Variants in EXOC6B observed in about 807,000 individuals in gnomAD.
EXOC6B encodes the protein SEC15 homolog B.
A neutral mutation model predicts 113.5 loss-of-function variants in EXOC6B; 54 were observed. That is an observed-to-expected ratio of 0.48 (90% CI 0.38 to 0.60). The LOEUF (loss-of-function observed/expected upper bound fraction) is 0.60. Ranked by LOEUF, EXOC6B falls within the 20% of genes least tolerant of loss-of-function variation. The pLI, the probability that EXOC6B is intolerant of heterozygous loss-of-function variation, is 0.00. For synonymous variants in EXOC6B, 357 were observed against 339.0 expected (o/e 1.05, Z -0.58); for missense variants, 797 against 977.5 (o/e 0.82, Z 2.46).
chr2:72,527,132 C>A (rs1701781201), intron 8 of EXOC6B, among the ~76,000 whole-genome samples: 1 of 151,958 alleles, frequency 6.6e-6, no homozygotes, highest in Non-Finnish European at 1.5e-5. Context: ...TTTCCATATT[C>A]ATTTCTATGT....
At chr2:72,305,499 CTAAAA>C (rs746337025) in intron 20 of EXOC6B, among the ~76,000 whole-genome samples, 48 of 151,918 alleles carry the variant, frequency 3.2e-4, no homozygotes, top group South Asian at 1.0e-3. Flanking sequence ...CCTGTGAATA[CTAAAA>C]TTGTATAATC....
intron 5 of EXOC6B, among the ~76,000 whole-genome samples, chr2:72,719,980 T>C (rs1679886945): frequency 6.6e-6 from 1 of 152,190 alleles, no homozygotes; most frequent in Non-Finnish European, 1.5e-5. Context: ...TATTTAAGTG[T>C]AATATATCTA....
intron 17 of EXOC6B, 122 bp downstream of exon 17, chr2:72,480,494 C>T (rs1699016276): frequency 1.1e-6 from 1 of 912,582 alleles, no homozygotes; most frequent in African/African-American, 1.7e-5. Context: ...CCAAACATAT[C>T]ATAAACACTC....
chr2:72,186,671 T>C (rs964688627), intron 20 of EXOC6B, among the ~76,000 whole-genome samples: 7 of 152,216 alleles, frequency 4.6e-5, no homozygotes, highest in African/African-American at 1.7e-4. Flanking sequence ...TTTCAGCATA[T>C]ATGGACATAT....
intron 5 of EXOC6B, among the ~76,000 whole-genome samples, chr2:72,730,579 G>GACACACACACACAC (rs3034987): frequency 3.3e-4 from 47 of 144,560 alleles, no homozygotes; most frequent in African/African-American, 6.8e-4. Flanking sequence ...AACAGACAGA[G>GACACACACACACAC]ACACACACAC....
intron 6 of EXOC6B, among the ~76,000 whole-genome samples, chr2:72,649,043 G>T (rs6736649): frequency 0.22 from 32,911 of 152,070 alleles, 5,814 homozygotes; most frequent in African/African-American, 0.49. Flanking sequence ...AGGAGGCTGA[G>T]GTGGGAGGAT....
At chr2:72,322,413 T>C (rs999793782) in intron 20 of EXOC6B, among the ~76,000 whole-genome samples, 2 of 152,174 alleles carry the variant, frequency 1.3e-5, no homozygotes, top group African/African-American at 4.8e-5. Context: ...TCAGTGGTTA[T>C]TTGGGGACAA....
intron 20 of EXOC6B, among the ~76,000 whole-genome samples, chr2:72,227,801 C>A (rs1425128935): frequency 5.3e-5 from 8 of 152,116 alleles, no homozygotes; most frequent in Non-Finnish European, 1.2e-4. Context: ...TAACAAGAGT[C>A]TTTCCCTAGG....
At chr2:72,773,703 T>C (rs962070951) in intron 1 of EXOC6B, among the ~76,000 whole-genome samples, 2 of 152,002 alleles carry the variant, frequency 1.3e-5, no homozygotes, top group African/African-American at 4.8e-5. Flanking sequence ...AAAAAACAAA[T>C]AGTTAAAATA....
chr2:72,355,637 G>A (rs1301791338), intron 19 of EXOC6B, among the ~76,000 whole-genome samples: 1 of 152,170 alleles, frequency 6.6e-6, no homozygotes, highest in Non-Finnish European at 1.5e-5. Context: ...ATACAAACTT[G>A]AAGTCTATCA....
intron 20 of EXOC6B, among the ~76,000 whole-genome samples, chr2:72,237,967 T>C (rs1682069571): frequency 6.6e-6 from 1 of 152,102 alleles, no homozygotes; most frequent in Non-Finnish European, 1.5e-5. Flanking sequence ...TACATCTCAA[T>C]TGTCTTTAGG....
chr2:72,737,872 G>C (rs919808676), intron 2 of EXOC6B, among the ~76,000 whole-genome samples: 1 of 151,892 alleles, frequency 6.6e-6, no homozygotes. Context: ...GTTATTTTAC[G>C]GTAGCAAGTT....
chr2:72,185,785 C>CACAACGTGCAGGTTTGTTACATATGTAT (rs1558993889), intron 20 of EXOC6B, among the ~76,000 whole-genome samples: 1 of 148,972 alleles, frequency 6.7e-6, no homozygotes, highest in African/African-American at 2.5e-5. Flanking sequence ...GGTACATGTG[C>CACAACGTGCAGGTTTGTTACATATGTAT]ACAACGTGCA....
intron 6 of EXOC6B, among the ~76,000 whole-genome samples, chr2:72,642,091 C>G (rs1673291205): frequency 6.6e-6 from 1 of 152,152 alleles, no homozygotes; most frequent in African/African-American, 2.4e-5. Context: ...AGGTCACCAG[C>G]ATCAAAGACC....
At chr2:72,365,146 G>A (rs1690541811) in intron 19 of EXOC6B, among the ~76,000 whole-genome samples, 1 of 152,014 alleles carries the variant, frequency 6.6e-6, no homozygotes, top group Admixed American at 6.6e-5. Flanking sequence ...ATGGGAGTGT[G>A]CTTATTTATG....
At chr2:72,821,728 T>C (rs969748789) in intron 1 of EXOC6B, among the ~76,000 whole-genome samples, 7 of 152,134 alleles carry the variant, frequency 4.6e-5, no homozygotes, top group Admixed American at 1.3e-4. Context: ...ATTCCATTTA[T>C]ACAAAATGTC....
chr2:72,255,611 C>T (rs1053415059), intron 20 of EXOC6B, among the ~76,000 whole-genome samples: 1 of 152,194 alleles, frequency 6.6e-6, no homozygotes, highest in Non-Finnish European at 1.5e-5. Context: ...TATTGTATCC[C>T]TATCCCACCA....
chr2:72,278,807 C>T (rs776060911), intron 20 of EXOC6B, among the ~76,000 whole-genome samples: 3 of 152,028 alleles, frequency 2.0e-5, no homozygotes, highest in African/African-American at 7.2e-5. Flanking sequence ...ACCCTAGGTA[C>T]ATAAAGGGTT....
intron 20 of EXOC6B, among the ~76,000 whole-genome samples, chr2:72,297,681 G>C (rs1686226075): frequency 6.6e-6 from 1 of 152,146 alleles, no homozygotes; most frequent in Non-Finnish European, 1.5e-5. Context: ...CTTTAGCTGT[G>C]TCCCAGAGAT....
Sources: allele counts gnomAD v4.1 joint callset (sites outside exome capture counted in the v4.1 genomes callset), GRCh38; gene constraint gnomAD v4.1.1; transcripts MANE v1.5; gene names NCBI Gene and HGNC (gene_info 2026-07-23, HGNC 2026-07-21).